Variants in ANKHD1 observed in about 807,000 individuals in gnomAD.
The protein encoded by ANKHD1 is ankyrin repeat and KH domain-containing protein 1.
A neutral mutation model predicts 230.5 loss-of-function variants in ANKHD1; 31 were observed. The ratio of observed to expected loss-of-function variants is 0.13; its 90% CI spans 0.10 to 0.18. ANKHD1 has a LOEUF of 0.18. Ranked by LOEUF, ANKHD1 falls within the 10% of genes least tolerant of loss-of-function variation. ANKHD1 has a pLI of 1.00. For synonymous variants in ANKHD1, 1,074 were observed against 1,117.6 expected (o/e 0.96, Z 0.78); for missense variants, 2,256 against 3,071.3 (o/e 0.73, Z 6.27).
At position 140,439,969 on chromosome 5, in the gene ANKHD1, C is replaced by A; in HGVS notation, c.618-150C>A. The A allele has an allele frequency of 3.9e-6, 4 of 1,026,038 alleles. No homozygotes were observed. The South Asian group carries it at 1.5e-4, about 38-fold the overall frequency. 63.6% of individuals were successfully genotyped at this position (1,026,038 alleles called of 1,614,324 possible). A position where few individuals can be genotyped will look rare whatever the true frequency, so the allele number is the denominator to read the frequency against. ...AAACATGAATAATTGAAGTTGCAGA[C>A]AAAATGCTCAGCAAGTAATATGTTC... On this transcript the variant is annotated intron_variant, in intron 3 of 33. Transcript: ENST00000360839.
At chr5:140,504,726 T>C in intron 15 of ANKHD1, 95 bp from the exon 16 acceptor site, 1 of 1,486,930 alleles carries the variant, frequency 6.7e-7, no homozygotes, top group Non-Finnish European at 9.0e-7. Flanking sequence ...TTACTACATA[T>C]TACTGCTATG....
rs1490123644 is a variant in ANKHD1, at chr5:140,434,457, C to T, written c.307-1647C>T. On this transcript the variant is annotated intron_variant, in intron 1 of 33. Coordinates refer to ENST00000360839, the MANE Select transcript of ANKHD1 (RefSeq NM_017747.3). Reference sequence around the variant, plus strand: ...GTATATTATACAAATTACATATATGCCATACATGTTATATGTATATACGTA... The same window carrying T: ...GTATATTATACAAATTACATATATGTCATACATGTTATATGTATATACGTA... Among the ~76,000 whole-genome samples the T allele has an allele frequency of 2.7e-5, 4 of 148,724 alleles. No individual in the cohort carries two copies. In the East Asian group the frequency reaches 5.8e-4, roughly 22 times the overall value.
At chr5:140,413,771 G>GTT (rs1178856357) in intron 1 of ANKHD1, among the ~76,000 whole-genome samples, 1 of 151,610 alleles carries the variant, frequency 6.6e-6, no homozygotes, top group Admixed American at 6.6e-5. Context: ...GTTCATTTGG[G>GTT]TTTTTTTGTT....
chr5:140,536,907 G>C (rs1332542907), intron 30 of ANKHD1: 2 of 152,630 alleles, frequency 1.3e-5, no homozygotes, highest in African/African-American at 4.8e-5. Context: ...TGTAATCCTA[G>C]CTACCCGGGA....
At chr5:140,472,489 T>A (rs1776563090) in intron 10 of ANKHD1, 46 of 1,297,820 alleles carry the variant, frequency 3.5e-5, no homozygotes, top group Non-Finnish European at 4.5e-5. Context: ...TTTGTTTCCT[T>A]AGTCTTCTTT....
chr5:140,438,968 C>T (rs570395362), intron 3 of ANKHD1, among the ~76,000 whole-genome samples: 3 of 152,214 alleles, frequency 2.0e-5, no homozygotes, highest in South Asian at 2.1e-4. Flanking sequence ...ATACATGAAA[C>T]GAGTTACTAA....
rs149058171 is a variant in ANKHD1 at position 140,529,454 on chromosome 5, C to T, written c.6508C>T (p.Pro2170Ser). The stretch of plus-strand genomic sequence containing the variant: ...TACGAATCCAGTTACTTTAACACCA[C>T]CTCAAGGCCCACCAGCTGCAGTGCA... The part of the protein sequence containing the change: ...FVTNPVTLTP[P>S]QGPPAAVQLS... The change falls in exon 29 of 34, where the codon CCT (proline) becomes TCT (serine). Residue 2170 changes from proline to serine, a missense_variant. Coordinates refer to ENST00000360839, the MANE Select transcript of ANKHD1 (RefSeq NM_017747.3). The T allele has an allele frequency of 7.0e-5, 113 of 1,614,208 alleles. No homozygotes were observed. The highest frequency in any genetic ancestry group is 4.0e-4 in the Admixed American group (24 of 60,024).
chr5:140,459,206 C>T lies in ANKHD1; in HGVS notation c.1523C>T (p.Ala508Val), dbSNP rs761193804. ...NAQTEETQETALTLACCGGFS... is the reference protein window; with the variant it reads ...NAQTEETQETVLTLACCGGFS... ...CAGACAGAAGAAACTCAAGAAACTG[C>T]TCTTACTTTGGCTTGCTGTGGAGGA... Residue 508 changes from alanine to valine, a missense_variant, in exon 9 of 34, where the codon GCT becomes GTT. Coordinates refer to ENST00000360839, the MANE Select transcript of ANKHD1 (RefSeq NM_017747.3). The T allele has an allele frequency of 6.3e-7, 1 of 1,597,628 alleles. No homozygotes were observed. The highest frequency in any genetic ancestry group is 1.7e-5 in the Admixed American group (1 of 59,558).
At chr5:140,486,651 G>A (rs571530971) in intron 13 of ANKHD1, 1 of 176,196 alleles carries the variant, frequency 5.7e-6, no homozygotes, top group East Asian at 1.4e-4. Flanking sequence ...AAATTGGCTA[G>A]TGGATAGTGA....
chr5:140,412,198 C>T (rs192694680), intron 1 of ANKHD1, among the ~76,000 whole-genome samples: 28 of 151,724 alleles, frequency 1.8e-4, no homozygotes, highest in Non-Finnish European at 3.1e-4. Context: ...CACCATGCCC[C>T]GCTAATTTGT....
chr5:140,458,661 A>G lies in ANKHD1; in HGVS notation c.1279A>G (p.Ser427Gly). The G allele has an allele frequency of 6.2e-7, 1 of 1,608,864 alleles. No individual in the cohort carries two copies. Among genetic ancestry groups the G allele is most frequent in the Non-Finnish European group, 8.5e-7 (1 of 1,176,862 alleles). Residue 427 changes from serine to glycine, a missense_variant, in exon 8 of 34, where the codon AGT becomes GGT. By Grantham distance (56) the Ser-to-Gly change is moderately conservative. Around this residue, in one of 13 missense-constraint regions of ANKHD1, gnomAD observed 179 missense variants for 261.8 expected, o/e 0.68. Transcript: ENST00000360839. ...HVEVARLLLD[S>G]GAQVNMPADS... The stretch of plus-strand genomic sequence containing the variant: ...AGAGGTGGCACGTTTGCTTTTGGAT[A>G]GTGGTGCTCAAGTGAACATGCCTGC...
intron 10 of ANKHD1, among the ~76,000 whole-genome samples, chr5:140,473,339 A>G (rs1750775104): frequency 6.6e-6 from 1 of 152,076 alleles, no homozygotes; most frequent in South Asian, 2.1e-4. Context: ...AAGTTTCTTA[A>G]TTCTAAACCC....
intron 5 of ANKHD1, among the ~76,000 whole-genome samples, chr5:140,444,359 C>T (rs942441050): frequency 6.6e-6 from 1 of 152,080 alleles, no homozygotes; most frequent in Admixed American, 6.6e-5. Context: ...TTAATTAATT[C>T]GTTCATTTTG....
Position 140,529,270 on chromosome 5 carries a change from A to C in ANKHD1, c.6324A>C (p.Thr2108=), listed in dbSNP as rs201562843. 2 of 1,614,110 alleles carry C rather than the reference A, an allele frequency of 1.2e-6. No individual in the cohort carries two copies. The highest frequency in any genetic ancestry group is 1.7e-5 in the Admixed American group (1 of 60,010). The change falls in exon 29 of 34, where the codon ACA becomes ACC. Residue 2108 remains threonine (T), a synonymous_variant. Transcript: ENST00000360839. ...SNSEPAPLTL[T]SPRMVAADNQ... Reference sequence around the variant, plus strand: ...CAGAACCTGCTCCATTGACTTTGACATCACCCAGAATGGTTGCTGCTGATA... The same window carrying C: ...CAGAACCTGCTCCATTGACTTTGACCTCACCCAGAATGGTTGCTGCTGATA...
At chr5:140,484,993 A>C in intron 11 of ANKHD1, 128 bp from the exon 12 acceptor site, 1 of 1,360,908 alleles carries the variant, frequency 7.3e-7, no homozygotes, top group Non-Finnish European at 9.5e-7. Context: ...AATTCAAACT[A>C]TACACTTAAT....
At chr5:140,426,974 C>A (rs1023340644) in intron 1 of ANKHD1, among the ~76,000 whole-genome samples, 3 of 152,230 alleles carry the variant, frequency 2.0e-5, no homozygotes, top group Non-Finnish European at 4.4e-5. Flanking sequence ...CCTTTCCCCC[C>A]TTTCTATTCC....
intron 1 of ANKHD1, among the ~76,000 whole-genome samples, chr5:140,428,482 G>GA (rs1772734813): frequency 6.6e-6 from 1 of 152,232 alleles, no homozygotes; most frequent in Non-Finnish European, 1.5e-5. Flanking sequence ...AAAAAAACAC[G>GA]AAAACCAGTC....
Position 140,526,022 on chromosome 5 carries a change from C to G in ANKHD1, c.4519C>G (p.Pro1507Ala). The G allele has an allele frequency of 6.3e-7, 1 of 1,594,248 alleles. No individual in the cohort carries two copies. The highest frequency in any genetic ancestry group is 8.5e-7 in the Non-Finnish European group (1 of 1,174,440). Residue 1507 changes from proline to alanine, a missense_variant, in exon 26 of 34, where the codon CCT becomes GCT. This residue lies in a region of ANKHD1 where 212 missense variants were observed against 257.3 expected (regional missense o/e 0.82). Transcript: ENST00000360839. ...GGAGCAAGAAGTTCCCATAGAACCT[C>G]CTAGTGCAACCACCACCACTACGAT... ...DVEQEVPIEP[P>A]SATTTTTIGI...
At chr5:140,442,256 C>T (rs1212478889) in intron 5 of ANKHD1, among the ~76,000 whole-genome samples, 1 of 151,730 alleles carries the variant, frequency 6.6e-6, no homozygotes, top group Non-Finnish European at 1.5e-5. Context: ...GTTGGCCAGG[C>T]TGGTCTTGAA....
Sources: allele counts gnomAD v4.1 joint callset (sites outside exome capture counted in the v4.1 genomes callset), GRCh38; gene constraint gnomAD v4.1.1; regional missense constraint gnomAD v4.1.1; transcripts MANE v1.5; gene names NCBI Gene and HGNC (gene_info 2026-07-23, HGNC 2026-07-21).